The following LNX1 variants were observed in gnomAD, a reference collection of about 807,000 sequenced individuals.
LNX1 encodes the protein ligand of numb-protein X 1.
Under a neutral mutation model 68.4 loss-of-function variants are expected in LNX1, and 54 were observed. The ratio of observed to expected loss-of-function variants is 0.79; its 90% CI spans 0.63 to 0.99. The LOEUF is 0.99. Ranked by LOEUF, LNX1 falls within the 50% of genes least tolerant of loss-of-function variation. The pLI is 0.00. For missense variants in LNX1, 906 were observed against 926.4 expected (o/e 0.98, Z 0.29); for synonymous variants, 336 against 350.0 (o/e 0.96, Z 0.45).
intron 2 of LNX1, among the ~76,000 whole-genome samples, chr4:53,599,867 T>C (rs1355891166): frequency 6.6e-6 from 1 of 152,176 alleles, no homozygotes; most frequent in Non-Finnish European, 1.5e-5. Flanking sequence ...AGAAAGACTA[T>C]GTATATTTCA....
chr4:53,492,695 C>T lies in LNX1; in HGVS notation c.1350+3328G>A, dbSNP rs376614565. 3.2e-4 allele frequency among the ~76,000 whole-genome samples: 48 copies of T among 152,220 alleles called. 1 individual carries two copies. The highest frequency in any genetic ancestry group is 2.1e-3 in the South Asian group (10 of 4,828). ...GTCAAAATGGGTTGGGGGAGCAAGA[C>T]GCTGAGGTGAGTCAAAGTTCTTTTT... On this transcript the variant is annotated intron_variant, in intron 6 of 10. Coordinates refer to ENST00000263925, the MANE Select transcript of LNX1 (RefSeq NM_001126328.3).
chr4:53,501,428 C>T (rs898357850), intron 4 of LNX1, among the ~76,000 whole-genome samples: 1 of 151,866 alleles, frequency 6.6e-6, no homozygotes. Flanking sequence ...GCTGGGAGTA[C>T]AGGTGTGTGC....
At chr4:53,652,148 G>A (rs1378007870) in intron 1 of LNX1, 1 of 152,184 alleles carries the variant, frequency 6.6e-6, no homozygotes, top group African/African-American at 2.4e-5. Context: ...CTACCTGGTG[G>A]AGGAACCGGG....
rs1321452259 is a variant in LNX1, at chr4:53,650,859, T to C, written c.-215+1309A>G. Among the ~76,000 whole-genome samples the C allele has an allele frequency of 2.0e-5, 3 of 152,194 alleles. No homozygotes were observed. In the East Asian group the frequency reaches 5.8e-4, roughly 29 times the overall value. ...CACTGAGGGTAGGCCTCCTCTTATC[T>C]GTATTCCCTGCATCTCCCTTGGAGC... On this transcript the variant is annotated intron_variant, in intron 1 of 2. Coordinates refer to the LNX1 transcript ENST00000507168.
chr4:53,565,193 C>T (rs1304499632), intron 2 of LNX1, among the ~76,000 whole-genome samples: 1 of 152,108 alleles, frequency 6.6e-6, no homozygotes, highest in African/African-American at 2.4e-5. Context: ...CCTCTGGGGG[C>T]AGGGCACAGA....
chr4:53,523,122 AG>A (rs1727355779), intron 2 of LNX1: 2 of 152,356 alleles, frequency 1.3e-5, no homozygotes, highest in African/African-American at 4.8e-5. Context: ...ACAACTGCAT[AG>A]ATCTCCAACT....
At chr4:53,530,001 T>G (rs1454237777) in intron 2 of LNX1, among the ~76,000 whole-genome samples, 1 of 152,198 alleles carries the variant, frequency 6.6e-6, no homozygotes, top group Non-Finnish European at 1.5e-5. Flanking sequence ...GAAAAAAAAC[T>G]TTCACACTTT....
intron 2 of LNX1, among the ~76,000 whole-genome samples, chr4:53,570,977 A>C (rs1365800393): frequency 6.6e-6 from 1 of 151,534 alleles, no homozygotes; most frequent in Non-Finnish European, 1.5e-5. Context: ...TGGTGAGCAG[A>C]GATCGCGCCA....
chr4:53,618,929 T>A (rs1382101555), upstream of LNX1, among the ~76,000 whole-genome samples: 1 of 152,140 alleles, frequency 6.6e-6, no homozygotes, highest in Non-Finnish European at 1.5e-5. Flanking sequence ...TATTTTTTAT[T>A]TTTGTAGATA....
At chr4:53,534,860 C>T (rs564440499) in intron 2 of LNX1, among the ~76,000 whole-genome samples, 1 of 152,318 alleles carries the variant, frequency 6.6e-6, no homozygotes, top group African/African-American at 2.4e-5. Context: ...ACCTTGGCAT[C>T]CTTGCCCATA....
chr4:53,565,641 G>A (rs201535637), intron 2 of LNX1, among the ~76,000 whole-genome samples: 35,564 of 151,740 alleles, frequency 0.23, 4,914 homozygotes, highest in Non-Finnish European at 0.32. Flanking sequence ...GAACAAAGCT[G>A]GACAGAGAAT....
chr4:53,469,913 C>T (rs1314066071), intron 9 of LNX1, among the ~76,000 whole-genome samples: 17 of 152,186 alleles, frequency 1.1e-4, no homozygotes, highest in Non-Finnish European at 2.4e-4. Flanking sequence ...ACCAGAAGTA[C>T]AAGGAGGAGC....
intron 2 of LNX1, among the ~76,000 whole-genome samples, chr4:53,517,067 C>T (rs1275703003): frequency 1.3e-5 from 2 of 152,166 alleles, no homozygotes; most frequent in East Asian, 3.9e-4. Context: ...TTCTTGCTCG[C>T]CACTGAATCC....
chr4:53,514,839 A>G, intron 2 of LNX1, among the ~76,000 whole-genome samples: 1 of 152,216 alleles, frequency 6.6e-6, no homozygotes, highest in East Asian at 1.9e-4. Context: ...TGAACCATGA[A>G]CAAGGCATGG....
intron 1 of LNX1, among the ~76,000 whole-genome samples, chr4:53,634,274 GT>G (rs1371492213): frequency 2.0e-5 from 3 of 148,794 alleles, no homozygotes; most frequent in African/African-American, 7.5e-5. Context: ...TTGAGATGGA[GT>G]CTCTGTCACC....
chr4:53,621,742 A>G (rs1733887354), upstream of LNX1, among the ~76,000 whole-genome samples: 1 of 152,168 alleles, frequency 6.6e-6, no homozygotes, highest in Non-Finnish European at 1.5e-5. Flanking sequence ...ATGGTTTCTC[A>G]TTATGTTTTG....
Position 53,460,442 on chromosome 4 carries a change from C to CT in LNX1, c.*464dup, listed in dbSNP as rs1318466119. The CT allele has an allele frequency of 5.2e-6, 1 of 191,130 alleles. No individual in the cohort carries two copies. Among genetic ancestry groups the CT allele is most frequent in the Admixed American group, 6.2e-5 (1 of 16,258 alleles). 11.8% of individuals were successfully genotyped at this position (191,130 alleles called of 1,614,324 possible). On this transcript the variant is annotated 3_prime_UTR_variant, in exon 11 of 11. Transcript: ENST00000263925. The stretch of plus-strand genomic sequence containing the variant: ...AAGTAATCTTAATTAGTATCACATA[C>CT]TAAAAGACAACTATAACTTCTGAAA...
chr4:53,611,485 A>G (rs1245544586), intron 2 of LNX1, among the ~76,000 whole-genome samples: 1 of 152,164 alleles, frequency 6.6e-6, no homozygotes, highest in African/African-American at 2.4e-5. Context: ...AATTGGATAA[A>G]GTGATCTTAA....
intron 6 of LNX1, among the ~76,000 whole-genome samples, chr4:53,488,680 A>C (rs1724485112): frequency 6.6e-6 from 1 of 152,160 alleles, no homozygotes; most frequent in African/African-American, 2.4e-5. Context: ...TTACCTATGG[A>C]TTAATTGAAA....
Sources: gnomAD v4.1 joint callset for allele counts (sites outside exome capture counted in the v4.1 genomes callset) on GRCh38, gnomAD v4.1.1 for gene constraint, MANE v1.5 for transcripts, NCBI Gene and HGNC (gene_info 2026-07-23, HGNC 2026-07-21) for gene names.